Variants in KDM2B observed in about 807,000 individuals in gnomAD.
KDM2B encodes lysine demethylase 2B.
In KDM2B, 26 loss-of-function variants were observed where a neutral mutation model predicts 150.0. The observed-to-expected ratio is 0.17, with a 90% CI of 0.13 to 0.24. The LOEUF is 0.24. KDM2B is among the 10% of genes least tolerant of loss of function. The probability of loss-of-function intolerance (pLI) is 1.00; values close to 1 mark genes in which losing one functional copy is unlikely to be tolerated. For missense variants in KDM2B, 1,265 were observed against 1,816.9 expected (o/e 0.70, Z 5.52); for synonymous variants, 734 against 729.5 (o/e 1.01, Z -0.10).
chr12:121,504,709 G>A (rs1161726033), intron 11 of KDM2B, among the ~76,000 whole-genome samples: 2 of 152,170 alleles, frequency 1.3e-5, no homozygotes, highest in African/African-American at 4.8e-5. Context: ...GCACACGATT[G>A]TGAATTGTTG....
At chr12:121,446,287 A>G (rs1308138413) in intron 13 of KDM2B, among the ~76,000 whole-genome samples, 3 of 152,078 alleles carry the variant, frequency 2.0e-5, no homozygotes, top group African/African-American at 7.2e-5. Context: ...AGTCCCAGCT[A>G]CTCGGGAGAC....
chr12:121,484,694 T>G (rs1882562123), intron 12 of KDM2B, among the ~76,000 whole-genome samples: 1 of 151,948 alleles, frequency 6.6e-6, no homozygotes, highest in African/African-American at 2.4e-5. Flanking sequence ...GGTGCACACC[T>G]GTGGTCCCAG....
chr12:121,483,828 C>T (rs1001743070), intron 12 of KDM2B, among the ~76,000 whole-genome samples: 1 of 152,038 alleles, frequency 6.6e-6, no homozygotes, highest in Non-Finnish European at 1.5e-5. Context: ...TCGGATGGCA[C>T]CAAGGCCCCC....
At chr12:121,444,992 A>G (rs1555289820) in intron 14 of KDM2B, 5 of 450,616 alleles carry the variant, frequency 1.1e-5, no homozygotes, top group Non-Finnish European at 1.6e-5. Context: ...CCCAGCTACA[A>G]ACAAGCAGCC....
chr12:121,562,220 C>T (rs544366919), intron 4 of KDM2B, among the ~76,000 whole-genome samples: 50 of 150,606 alleles, frequency 3.3e-4, no homozygotes, highest in African/African-American at 1.2e-3. Context: ...CAGTAGTTCA[C>T]GCCTGTAATC....
rs543425622 is a variant in KDM2B at position 121,578,740 on chromosome 12, C to T, written c.271+62G>A. On this transcript the variant is annotated intron_variant, in intron 2 of 22. Coordinates refer to ENST00000377071, the MANE Select transcript of KDM2B (RefSeq NM_032590.5). ...GAAATACGAACCCAGCCACCGGCAG[C>T]TCCCTCCCCACGTGCGCTCGGCCCG... The T allele has an allele frequency of 1.1e-5, 14 of 1,329,932 alleles. No individual in the cohort carries two copies. In the South Asian group the frequency reaches 2.5e-4, roughly 24 times the overall value. 82.4% of individuals were successfully genotyped at this position (1,329,932 alleles called of 1,614,324 possible). A position where few individuals can be genotyped will look rare whatever the true frequency, so the allele number is the denominator to read the frequency against.
chr12:121,430,216 A>G lies in KDM2B; in HGVS notation c.*72T>C. On this transcript the variant is annotated 3_prime_UTR_variant, in exon 23 of 23. Transcript: ENST00000377071. This position sits in a 1 kb window ranked among gnomAD's most constrained non-coding sequence, Gnocchi z 4.4. ...TGTTGTCCCACGTTCCAAATGGAAA[A>G]TAAAAGCCCTCATTTTTGTAAAGTC... The G allele has an allele frequency of 6.2e-7, 1 of 1,614,164 alleles. No homozygotes were observed. The highest frequency in any genetic ancestry group is 1.3e-5 in the African/African-American group (1 of 75,040).
chr12:121,430,221 A>G lies in KDM2B; in HGVS notation c.*67T>C, dbSNP rs782429419. The G allele has an allele frequency of 6.2e-7, 1 of 1,614,090 alleles. No homozygotes were observed. The highest frequency in any genetic ancestry group is 8.5e-7 in the Non-Finnish European group (1 of 1,180,020). On this transcript the variant is annotated 3_prime_UTR_variant, in exon 23 of 23. Transcript: ENST00000377071. This position sits in a 1 kb window ranked among gnomAD's most constrained non-coding sequence, Gnocchi z 4.4. ...TCCCACGTTCCAAATGGAAAATAAA[A>G]GCCCTCATTTTTGTAAAGTCTCTCC...
chr12:121,516,673 G>T, intron 9 of KDM2B: 1 of 655,210 alleles, frequency 1.5e-6, no homozygotes. Flanking sequence ...GTCTACCAGA[G>T]GACCTCAGGG....
chr12:121,534,445 C>T, intron 7 of KDM2B, 52 bp downstream of exon 7: 1 of 1,347,676 alleles, frequency 7.4e-7, no homozygotes, highest in Non-Finnish European at 1.1e-6. Flanking sequence ...TGAGCCCCTC[C>T]CCACACAAAC....
At chr12:121,562,557 C>T (rs1449135618) in intron 4 of KDM2B, among the ~76,000 whole-genome samples, 1 of 151,994 alleles carries the variant, frequency 6.6e-6, no homozygotes, top group Non-Finnish European at 1.5e-5. Flanking sequence ...CTCCAAAACA[C>T]AGTCCATCAA....
In KDM2B at chr12:121,521,131, C is replaced by T. The variant is rs1886648643; in HGVS notation, c.932-31G>A. 1 of 1,505,450 alleles carries T rather than the reference C, an allele frequency of 6.6e-7. No homozygotes were observed. Among genetic ancestry groups the T allele is most frequent in the African/African-American group, 1.4e-5 (1 of 72,630 alleles). 93.3% of individuals were successfully genotyped at this position (1,505,450 alleles called of 1,614,324 possible). On this transcript the variant is annotated intron_variant, in intron 8 of 22. Transcript: ENST00000377071. The surrounding 1 kb of genome is among the most constrained non-coding windows in gnomAD (Gnocchi z 4.9). The stretch of plus-strand genomic sequence containing the variant: ...GTGGGAAGGGCAAGGAGAGGATGAG[C>T]CGCTGGCCCCTGTGGGCTCCCACAC...
intron 11 of KDM2B, among the ~76,000 whole-genome samples, chr12:121,505,589 T>C (rs1462874203): frequency 6.6e-6 from 1 of 152,134 alleles, no homozygotes; most frequent in Non-Finnish European, 1.5e-5. Context: ...AATGGGTTTT[T>C]AGTATAAGCC....
rs923935955 is a variant in KDM2B at position 121,518,825 on chromosome 12, C to T, written c.1047+2160G>A. Among the ~76,000 whole-genome samples, 3 of 152,324 alleles carry T rather than the reference C, an allele frequency of 2.0e-5. No homozygotes were observed. Among genetic ancestry groups the T allele is most frequent in the Non-Finnish European group, 4.4e-5 (3 of 68,024 alleles). On this transcript the variant is annotated intron_variant, in intron 9 of 22. Transcript: ENST00000377071. The surrounding 1 kb of genome is among the most constrained non-coding windows in gnomAD (Gnocchi z 4.4). ...TCCATCTCTATTCCACACGTCTGCTCGTGCACAAACTGGCCTGTACTCCAG... is the reference window on the plus strand; with the variant it reads ...TCCATCTCTATTCCACACGTCTGCTTGTGCACAAACTGGCCTGTACTCCAG...
chr12:121,437,406 T>TG (rs555926453), intron 22 of KDM2B, among the ~76,000 whole-genome samples: 71 of 149,082 alleles, frequency 4.8e-4, no homozygotes, highest in African/African-American at 1.7e-3. Flanking sequence ...TTGGAAAAGA[T>TG]GGAGGGAGAA....
Position 121,430,630 on chromosome 12 carries a change from T to C in KDM2B, c.3830-161A>G. 1.6e-6 allele frequency: 1 copy of C among 613,478 alleles called. No individual in the cohort carries two copies. The highest frequency in any genetic ancestry group is 2.9e-6 in the Non-Finnish European group (1 of 345,552). The allele number at this position is 613,478 out of a possible 1,614,324, so 38.0% of individuals were successfully genotyped here. A position where few individuals can be genotyped will look rare whatever the true frequency, so the allele number is the denominator to read the frequency against. On this transcript the variant is annotated intron_variant, in intron 22 of 22. Coordinates refer to ENST00000377071, the MANE Select transcript of KDM2B (RefSeq NM_032590.5). The surrounding 1 kb of genome is among the most constrained non-coding windows in gnomAD (Gnocchi z 4.4). ...AAATGTTATTTGCTTAAAATCTCTC[T>C]TCTTCAAACGGGGAAGGGTCTCACC...
At chr12:121,474,382 A>G (rs1381626685) in intron 12 of KDM2B, among the ~76,000 whole-genome samples, 1 of 151,960 alleles carries the variant, frequency 6.6e-6, no homozygotes. Flanking sequence ...TGGGCGCGGT[A>G]GCGGGTGCCT....
At chr12:121,543,656 T>A (rs903211469) in intron 6 of KDM2B, among the ~76,000 whole-genome samples, 1 of 150,312 alleles carries the variant, frequency 6.7e-6, no homozygotes, top group South Asian at 2.1e-4. Context: ...AAACCCCATC[T>A]CTACTAAAAA....
chr12:121,517,472 CT>C (rs369989396), intron 9 of KDM2B, among the ~76,000 whole-genome samples: 19,343 of 141,978 alleles, frequency 0.14, 3,509 homozygotes, highest in African/African-American at 0.42. Flanking sequence ...TTTTTCTTTT[CT>C]TTTTTTTTTT....
Sources: allele counts gnomAD v4.1 joint callset (sites outside exome capture counted in the v4.1 genomes callset), GRCh38; gene constraint gnomAD v4.1.1; non-coding constraint Gnocchi (gnomAD v3.1); transcripts MANE v1.5; gene names NCBI Gene and HGNC (gene_info 2026-07-23, HGNC 2026-07-21).